Variants in ANKFN1 observed in about 807,000 individuals in gnomAD.
ANKFN1 encodes the protein ankyrin repeat and fibronectin type-III domain-containing protein 1.
Under a neutral mutation model 108.7 loss-of-function variants are expected in ANKFN1, and 74 were observed. The observed-to-expected ratio is 0.68, with a 90% CI of 0.56 to 0.83. The LOEUF is 0.83. Ranked by LOEUF, ANKFN1 falls within the 40% of genes least tolerant of loss-of-function variation. The pLI is 0.00. For synonymous variants in ANKFN1, 547 were observed against 516.2 expected (o/e 1.06, Z -0.81); for missense variants, 1,505 against 1,382.3 (o/e 1.09, Z -1.41).
chr17:56,150,910 T>C (rs753882852), upstream of ANKFN1, among the ~76,000 whole-genome samples: 2 of 152,100 alleles, frequency 1.3e-5, no homozygotes, highest in Non-Finnish European at 2.9e-5. Flanking sequence ...AGTAATTAGT[T>C]GATTATTTGG....
intron 8 of ANKFN1, 30 bp from the exon 9 acceptor site, chr17:56,440,297 T>C: frequency 7.0e-7 from 1 of 1,424,242 alleles, no homozygotes; most frequent in Non-Finnish European, 9.9e-7. Flanking sequence ...TCCCTCTTTC[T>C]CTCTCTCCCT....
rs185177219 is a variant in ANKFN1 at position 56,480,762 on chromosome 17, G to A, written c.2035G>A (p.Glu679Lys). The A allele has an allele frequency of 1.4e-4, 226 of 1,613,994 alleles. 2 individuals carry two copies. In the East Asian group the frequency reaches 3.9e-3, roughly 28 times the overall value. Reference protein sequence around the residue: ...SDCPMQLFFYELQMAVKALLQ... With the variant: ...SDCPMQLFFYKLQMAVKALLQ... ...CTGCCCCATGCAATTGTTCTTCTAC[G>A]AGCTCCAGATGGCAGTGAAAGCTCT... The change falls in exon 17 of 21, where the codon GAG becomes AAG. Residue 679 changes from glutamate (E) to lysine (K), a missense_variant. Transcript: ENST00000682825.
chr17:56,305,856 T>C (rs2044807195), intron 3 of ANKFN1, among the ~76,000 whole-genome samples: 1 of 152,174 alleles, frequency 6.6e-6, no homozygotes. Flanking sequence ...GTTTTTTTGG[T>C]TTGGTGTTTT....
intron 1 of ANKFN1, among the ~76,000 whole-genome samples, chr17:56,188,595 AT>A (rs1912537166): frequency 5.6e-5 from 7 of 125,744 alleles, no homozygotes; most frequent in Non-Finnish European, 8.0e-5. Context: ...ATATATATAT[AT>A]ATATATATAT....
At chr17:56,372,141 A>G (rs912430861) in intron 6 of ANKFN1, among the ~76,000 whole-genome samples, 6 of 152,366 alleles carry the variant, frequency 3.9e-5, no homozygotes, top group South Asian at 4.1e-4. Context: ...AAAAATGTCT[A>G]TAAGCTGGGA....
intron 3 of ANKFN1, among the ~76,000 whole-genome samples, chr17:56,294,297 C>T (rs2044448856): frequency 6.6e-6 from 1 of 152,170 alleles, no homozygotes; most frequent in South Asian, 2.1e-4. Flanking sequence ...CCCCTGGAAA[C>T]CAAGTGATAG....
chr17:56,121,204 C>A (rs866577288), intron 4 of ANKFN1, among the ~76,000 whole-genome samples: 5 of 152,006 alleles, frequency 3.3e-5, no homozygotes, highest in South Asian at 2.1e-4. Flanking sequence ...GCAGCGTGTT[C>A]TACTTGTTTT....
chr17:56,449,587 C>T (rs550417648), intron 11 of ANKFN1, among the ~76,000 whole-genome samples: 1 of 152,260 alleles, frequency 6.6e-6, no homozygotes, highest in East Asian at 1.9e-4. Context: ...ATAATAACAA[C>T]AGTAATAATA....
At chr17:56,188,010 A>G (rs889793471) in intron 1 of ANKFN1, among the ~76,000 whole-genome samples, 1 of 152,206 alleles carries the variant, frequency 6.6e-6, no homozygotes, top group African/African-American at 2.4e-5. Flanking sequence ...CAGCACACAA[A>G]CATGGCACTT....
intron 3 of ANKFN1, among the ~76,000 whole-genome samples, chr17:56,268,052 A>G (rs931776723): frequency 1.3e-5 from 2 of 152,152 alleles, no homozygotes; most frequent in African/African-American, 4.8e-5. Flanking sequence ...AAAGATATTC[A>G]GGACCTATAT....
intron 1 of ANKFN1, among the ~76,000 whole-genome samples, chr17:56,187,760 G>A (rs984590538): frequency 6.6e-6 from 1 of 152,110 alleles, no homozygotes; most frequent in South Asian, 2.1e-4. Flanking sequence ...CCATAAAAAA[G>A]GATGAGTTCA....
At chr17:56,170,774 T>TATATATATA (rs1555604530) in intron 1 of ANKFN1, among the ~76,000 whole-genome samples, 1,188 of 67,826 alleles carry the variant, frequency 0.018, 47 homozygotes, top group African/African-American at 0.048. Context: ...AAAAAATTTT[T>TATATATATA]TATATATATA....
intron 8 of ANKFN1, among the ~76,000 whole-genome samples, chr17:56,424,492 A>G (rs1450748696): frequency 1.3e-5 from 2 of 152,234 alleles, no homozygotes; most frequent in Non-Finnish European, 2.9e-5. Context: ...CAAAGGAGAA[A>G]AATGTGGAAG....
chr17:56,123,383 T>C (rs568779330), intron 4 of ANKFN1, among the ~76,000 whole-genome samples: 1 of 152,294 alleles, frequency 6.6e-6, no homozygotes, highest in African/African-American at 2.4e-5. Flanking sequence ...GGCTTGAAGA[T>C]GATGGGGAGG....
rs928518220 is a variant in ANKFN1 at position 56,516,841 on chromosome 17, G to A, written c.*5572G>A. Among the ~76,000 whole-genome samples, 1 of 152,148 alleles carries A rather than the reference G, an allele frequency of 6.6e-6. No homozygotes were observed. The highest frequency in any genetic ancestry group is 2.4e-5 in the African/African-American group (1 of 41,414). Reference sequence around the variant, plus strand: ...CAGAGGGAATGACTTTATTTCATAAGCATTAATTATACTTTATGTCTTACC... The same window carrying A: ...CAGAGGGAATGACTTTATTTCATAAACATTAATTATACTTTATGTCTTACC... On this transcript the variant is annotated 3_prime_UTR_variant, in exon 21 of 21. Coordinates refer to ENST00000682825, the MANE Select transcript of ANKFN1 (RefSeq NM_001370326.1).
rs562966694 is a variant in ANKFN1 at position 56,122,224 on chromosome 17, A to G, written c.288+75899A>G. 6.6e-5 allele frequency among the ~76,000 whole-genome samples: 10 copies of G among 152,334 alleles called. No individual in the cohort carries two copies. In the South Asian group the frequency reaches 1.7e-3, roughly 25 times the overall value. ...GTAAAATATCATCTAAGTTTTAACC[A>G]TTGGAGTTAATAGAGCATAATGTTG... On this transcript the variant is annotated intron_variant, in intron 4 of 12. Coordinates refer to the ANKFN1 transcript ENST00000635860.
chr17:56,299,997 T>G (rs1046138933), intron 3 of ANKFN1, among the ~76,000 whole-genome samples: 5 of 152,226 alleles, frequency 3.3e-5, no homozygotes, highest in African/African-American at 4.8e-5. Context: ...ACCAAGGATG[T>G]TCTGTACTTA....
intron 3 of ANKFN1, among the ~76,000 whole-genome samples, chr17:56,233,126 A>G (rs1357452508): frequency 6.6e-6 from 1 of 152,132 alleles, no homozygotes; most frequent in African/African-American, 2.4e-5. Context: ...TTCTGGTAAT[A>G]TAAAAATAAT....
rs1490154641 is a variant in ANKFN1 at position 56,511,522 on chromosome 17, G to A, written c.*253G>A. Reference sequence around the variant, plus strand: ...GTGTCAACATGGAATACGACATACAGTGACTCAAACATGCCACCCTGTTGG... The same window carrying A: ...GTGTCAACATGGAATACGACATACAATGACTCAAACATGCCACCCTGTTGG... On this transcript the variant is annotated 3_prime_UTR_variant, in exon 21 of 21. Transcript: ENST00000682825. 4 of 469,762 alleles carry A rather than the reference G, an allele frequency of 8.5e-6. No homozygotes were observed. The highest frequency in any genetic ancestry group is 3.8e-5 in the Admixed American group (1 of 26,198). The allele number at this position is 469,762 out of a possible 1,614,324, so 29.1% of individuals were successfully genotyped here.
Sources: gnomAD v4.1 joint callset for allele counts (sites outside exome capture counted in the v4.1 genomes callset) on GRCh38, gnomAD v4.1.1 for gene constraint, MANE v1.5 for transcripts, NCBI Gene and HGNC (gene_info 2026-07-23, HGNC 2026-07-21) for gene names.